HNRNPA2B1: variants seen among roughly 807,000 people sequenced by gnomAD.
HNRNPA2B1 encodes the protein heterogeneous nuclear ribonucleoproteins A2/B1.
Under a neutral mutation model 46.3 loss-of-function variants are expected in HNRNPA2B1, and 3 were observed. That is an observed-to-expected ratio of 0.06 (90% CI 0.03 to 0.17). The LOEUF is 0.17. Among genes scored for constraint, HNRNPA2B1 ranks in the 10% least tolerant of loss-of-function variants. HNRNPA2B1 has a pLI of 1.00. For missense variants in HNRNPA2B1, 221 were observed against 418.9 expected (o/e 0.53, Z 4.12); for synonymous variants, 225 against 133.8 (o/e 1.68, Z -4.70).
At chr7:26,197,910 T>TA (rs1232725149) in intron 1 of HNRNPA2B1, 178 bp from the exon 2 acceptor site, 4 of 1,453,360 alleles carry the variant, frequency 2.8e-6, no homozygotes, top group Non-Finnish European at 1.9e-6. Context: ...AACCATATGT[T>TA]AAACTGCATA....
chr7:26,197,784 G>T, intron 1 of HNRNPA2B1, 52 bp from the exon 2 acceptor site: 1 of 1,593,866 alleles, frequency 6.3e-7, no homozygotes, highest in Non-Finnish European at 8.6e-7. Flanking sequence ...CTCTTTGTAT[G>T]CAGGAAATTA....
rs144507429 is a variant in HNRNPA2B1 at position 26,197,248 on chromosome 7, T to TA, written c.264+66dup. The TA allele has an allele frequency of 1.6e-3, 2,305 of 1,476,954 alleles. 31 individuals are homozygous for TA. The African/African-American group carries it at 0.03, about 19-fold the overall frequency. 91.5% of individuals were successfully genotyped at this position (1,476,954 alleles called of 1,614,324 possible). A position where few individuals can be genotyped will look rare whatever the true frequency, so the allele number is the denominator to read the frequency against. On this transcript the variant is annotated intron_variant, in intron 3 of 10. Coordinates refer to ENST00000618183, the MANE Select transcript of HNRNPA2B1 (RefSeq NM_002137.4). ...CTTGAGTTAAAACTAAATTCAGAAA[T>TA]AGTTTCTGATTTTCAGCAGGGCAGC...
chr7:26,198,747 A>C (rs1362832840), intron 1 of HNRNPA2B1: 2 of 152,256 alleles, frequency 1.3e-5, no homozygotes, highest in Non-Finnish European at 2.9e-5. Context: ...AACGAGAGAA[A>C]GTGATATCCA....
intron 7 of HNRNPA2B1, 35 bp from the exon 8 acceptor site, chr7:26,193,729 TATTTTCAATACC>T: frequency 6.4e-7 from 1 of 1,559,188 alleles, no homozygotes; most frequent in Non-Finnish European, 8.8e-7. Context: ...AATCACTTAA[TATTTTCAATACC>T]ATTTTGAACT....
chr7:26,191,474 T>G lies in HNRNPA2B1; in HGVS notation c.*886A>C, dbSNP rs1462494260. 1 of 152,180 alleles carries G rather than the reference T, an allele frequency of 6.6e-6. No homozygotes were observed. Among genetic ancestry groups the G allele is most frequent in the Non-Finnish European group, 1.5e-5 (1 of 68,002 alleles). The allele number at this position is 152,180 out of a possible 1,614,324, so 9.4% of individuals were successfully genotyped here. ...CTATTTTGCTCTACACCCTCAGCTT[T>G]CGTTGGCATCCTTATAAACTACTGT... On this transcript the variant is annotated 3_prime_UTR_variant, in exon 11 of 11. Coordinates refer to ENST00000618183, the MANE Select transcript of HNRNPA2B1 (RefSeq NM_002137.4).
At chr7:26,194,976 C>T (rs1222861540) in intron 7 of HNRNPA2B1, among the ~76,000 whole-genome samples, 1 of 150,618 alleles carries the variant, frequency 6.6e-6, no homozygotes, top group African/African-American at 2.4e-5. Flanking sequence ...CGCCGGTAAT[C>T]CCAGCTACTC....
chr7:26,200,270 G>A (rs1043295825), intron 1 of HNRNPA2B1: 2 of 441,762 alleles, frequency 4.5e-6, no homozygotes, highest in Admixed American at 3.9e-5. Flanking sequence ...CTTTAGAAAG[G>A]GAATAAGAAT....
chr7:26,195,509 T>C (rs909007734), intron 7 of HNRNPA2B1, among the ~76,000 whole-genome samples: 1 of 152,218 alleles, frequency 6.6e-6, no homozygotes, highest in African/African-American at 2.4e-5. Context: ...TTTTCCTACA[T>C]ATACCACCCC....
intron 1 of HNRNPA2B1, 166 bp downstream of exon 1, chr7:26,200,406 C>T (rs1584019353): frequency 1.3e-6 from 1 of 745,162 alleles, no homozygotes; most frequent in Non-Finnish European, 2.4e-6. Flanking sequence ...TGTTTGTACG[C>T]TCAGGCCTCC....
At chr7:26,197,969 CAA>C (rs1053245128) in intron 1 of HNRNPA2B1, 16 of 660,552 alleles carry the variant, frequency 2.4e-5, no homozygotes, top group South Asian at 1.4e-4. Flanking sequence ...ACACAAGTTT[CAA>C]AGTCATTAAT....
chr7:26,194,351 A>G (rs565072568), intron 7 of HNRNPA2B1, among the ~76,000 whole-genome samples: 26 of 152,124 alleles, frequency 1.7e-4, no homozygotes, highest in Admixed American at 3.3e-4. Flanking sequence ...AGCTGAGATC[A>G]CACCACTGCA....
At chr7:26,193,953 G>T (rs755143390) in intron 7 of HNRNPA2B1, among the ~76,000 whole-genome samples, 1 of 152,182 alleles carries the variant, frequency 6.6e-6, no homozygotes, top group East Asian at 1.9e-4. Context: ...AAAATCTTAA[G>T]TATCTTGAAA....
intron 6 of HNRNPA2B1, 26 bp from the exon 7 acceptor site, chr7:26,195,935 G>A (rs200755490): frequency 1.7e-4 from 274 of 1,591,026 alleles, no homozygotes; most frequent in Non-Finnish European, 2.2e-4. Flanking sequence ...AAAAGATTAC[G>A]TTTACTATAA....
In HNRNPA2B1 at chr7:26,192,570, A is replaced by G. The variant is rs1344284545; in HGVS notation, c.972T>C (p.Tyr324=). Residue 324 remains tyrosine (Y), a synonymous_variant, in exon 10 of 11, where the codon TAT becomes TAC. Coordinates refer to ENST00000618183, the MANE Select transcript of HNRNPA2B1 (RefSeq NM_002137.4). ...NMGGPYGGGN[Y]GPGGSGGSGG... is the part of the protein sequence containing the mutation. ...CACTTCCTCCACTGCCTCCTGGACC[A>G]TAGTTTCCTATAATTGTTGGAACAG... 2 of 1,613,798 alleles carry G rather than the reference A, an allele frequency of 1.2e-6. No individual in the cohort carries two copies. Among genetic ancestry groups the G allele is most frequent in the Middle Eastern group, 1.6e-4 (1 of 6,084 alleles).
rs1278964688 is a variant in HNRNPA2B1, at chr7:26,193,239, T to C, written c.964+12A>G. On this transcript the variant is annotated intron_variant, in intron 9 of 10. Coordinates refer to ENST00000618183, the MANE Select transcript of HNRNPA2B1 (RefSeq NM_002137.4). ...CACAAAAATCTGAATAACCTCAATT[T>C]TTATAAATTACCTCCACCATATGGT... 6.2e-7 allele frequency: 1 copy of C among 1,604,586 alleles called. No individual in the cohort carries two copies. Among genetic ancestry groups the C allele is most frequent in the South Asian group, 1.1e-5 (1 of 88,982 alleles).
intron 7 of HNRNPA2B1, among the ~76,000 whole-genome samples, chr7:26,194,304 G>A (rs1265477764): frequency 6.6e-6 from 1 of 152,148 alleles, no homozygotes; most frequent in African/African-American, 2.4e-5. Context: ...GCTGAGGCAG[G>A]AGAATGGCGT....
intron 6 of HNRNPA2B1, 38 bp from the exon 7 acceptor site, chr7:26,195,947 CTG>C: frequency 6.3e-7 from 1 of 1,576,678 alleles, no homozygotes; most frequent in Non-Finnish European, 8.6e-7. Context: ...TTACTATAAA[CTG>C]TTCAGCATTA....
chr7:26,195,082 G>A (rs1783381498), intron 7 of HNRNPA2B1, among the ~76,000 whole-genome samples: 1 of 123,132 alleles, frequency 8.1e-6, no homozygotes, highest in Admixed American at 9.0e-5. Flanking sequence ...GACAGAGCAA[G>A]GCTCCGTCTC....
intron 1 of HNRNPA2B1, chr7:26,198,210 A>T (rs922109722): frequency 5.2e-6 from 1 of 192,960 alleles, no homozygotes; most frequent in African/African-American, 2.3e-5. Flanking sequence ...TCACTATTCA[A>T]TATCTGAAAA....
Sources: allele counts gnomAD v4.1 joint callset (sites outside exome capture counted in the v4.1 genomes callset), GRCh38; gene constraint gnomAD v4.1.1; transcripts MANE v1.5; gene names NCBI Gene and HGNC (gene_info 2026-07-23, HGNC 2026-07-21).